The following LRBA variants were observed in gnomAD, a reference collection of about 807,000 sequenced individuals.
LRBA encodes lipopolysaccharide-responsive and beige-like anchor protein.
In LRBA, 176 loss-of-function variants were observed where a neutral mutation model predicts 330.0. The observed-to-expected ratio is 0.53, with a 90% CI of 0.47 to 0.60. The LOEUF (loss-of-function observed/expected upper bound fraction) is 0.60, where lower values mean the gene tolerates loss of function less well. Ranked by LOEUF, LRBA falls within the 20% of genes least tolerant of loss-of-function variation. The pLI is 0.00. For synonymous variants in LRBA, 1,230 were observed against 1,193.0 expected, an observed-to-expected ratio of 1.03 and a Z score of -0.64; for missense variants, 3,259 against 3,444.8, an observed-to-expected ratio of 0.95 and a Z score of 1.35.
chr4:150,851,497 T>C (rs1449054210), intron 23 of LRBA, among the ~76,000 whole-genome samples: 2 of 152,244 alleles, frequency 1.3e-5, no homozygotes, highest in African/African-American at 4.8e-5. Flanking sequence ...AATCACATGC[T>C]TAGTAACTAA....
chr4:151,010,080 T>C (rs760330093), intron 2 of LRBA, among the ~76,000 whole-genome samples: 1 of 152,090 alleles, frequency 6.6e-6, no homozygotes, highest in Non-Finnish European at 1.5e-5. Context: ...TACTATACCA[T>C]TTTATATAAG....
intron 2 of LRBA, among the ~76,000 whole-genome samples, chr4:150,989,503 C>T (rs982780045): frequency 6.6e-6 from 1 of 152,044 alleles, no homozygotes; most frequent in African/African-American, 2.4e-5. Context: ...GTCCCAGCTA[C>T]TCAGGAGGCT....
intron 47 of LRBA, among the ~76,000 whole-genome samples, chr4:150,411,299 C>T (rs1388623572): frequency 1.3e-5 from 2 of 152,110 alleles, no homozygotes; most frequent in Admixed American, 1.3e-4. Flanking sequence ...GGATAAGAGT[C>T]GTTGGGTGAG....
intron 17 of LRBA, among the ~76,000 whole-genome samples, chr4:150,888,938 G>A (rs530689008): frequency 6.6e-6 from 1 of 152,272 alleles, no homozygotes; most frequent in South Asian, 2.1e-4. Flanking sequence ...CAGATAGAGA[G>A]AGAGACAGAG....
At chr4:150,817,325 A>T in intron 30 of LRBA, 68 bp from the exon 31 acceptor site, 2 of 1,433,306 alleles carry the variant, frequency 1.4e-6, no homozygotes, top group Middle Eastern at 1.8e-4. Context: ...CATGAATTTC[A>T]AAACAGAAAC....
At chr4:150,540,870 T>A (rs1178581834) in intron 40 of LRBA, among the ~76,000 whole-genome samples, 1 of 152,218 alleles carries the variant, frequency 6.6e-6, no homozygotes, top group Non-Finnish European at 1.5e-5. Flanking sequence ...CTGTAAATTT[T>A]TAACCATATA....
At chr4:150,827,899 GCCTT>G (rs1282194164) in intron 30 of LRBA, among the ~76,000 whole-genome samples, 2 of 151,960 alleles carry the variant, frequency 1.3e-5, no homozygotes, top group African/African-American at 4.8e-5. Context: ...ACTGCACCTG[GCCTT>G]CCTTATGATT....
rs568358116 is a variant in LRBA at position 150,570,549 on chromosome 4, T to C, written c.6330+17499A>G. Among the ~76,000 whole-genome samples the C allele has an allele frequency of 2.6e-5, 4 of 152,240 alleles. No individual in the cohort carries two copies. The South Asian group carries it at 8.3e-4, about 32-fold the overall frequency. On this transcript the variant is annotated intron_variant, in intron 40 of 56. Transcript: ENST00000651943. Reference sequence around the variant, plus strand: ...AAAGCTGAAGAAATAACACATGTCATCTTCTCTTTGTAAGCAATATATTTA... The same window carrying C: ...AAAGCTGAAGAAATAACACATGTCACCTTCTCTTTGTAAGCAATATATTTA...
At chr4:150,769,363 AAGAG>A (rs1383709897) in intron 34 of LRBA, among the ~76,000 whole-genome samples, 5 of 152,188 alleles carry the variant, frequency 3.3e-5, no homozygotes, top group African/African-American at 1.2e-4. Context: ...CAGAGAGAGA[AAGAG>A]AGAAGAGATT....
intron 2 of LRBA, among the ~76,000 whole-genome samples, chr4:150,933,547 T>A (rs149662902): frequency 6.3e-4 from 96 of 152,250 alleles, no homozygotes; most frequent in Non-Finnish European, 1.2e-3. Flanking sequence ...CATTTACACA[T>A]AGACCTATGC....
chr4:150,278,823 G>GA (rs1560953445), intron 55 of LRBA, among the ~76,000 whole-genome samples: 1 of 148,732 alleles, frequency 6.7e-6, no homozygotes, highest in Non-Finnish European at 1.5e-5. Context: ...CCATAAACAG[G>GA]TTTTTTTTTT....
At chr4:150,412,400 A>C (rs1561138044) in intron 47 of LRBA, among the ~76,000 whole-genome samples, 2 of 152,180 alleles carry the variant, frequency 1.3e-5, no homozygotes, top group Non-Finnish European at 2.9e-5. Flanking sequence ...GGGTAGCCAA[A>C]ATCCAAATCT....
chr4:150,494,940 C>A (rs1759403610), intron 40 of LRBA, among the ~76,000 whole-genome samples: 1 of 150,638 alleles, frequency 6.6e-6, no homozygotes, highest in Admixed American at 6.6e-5. Flanking sequence ...GCGGAGCTTG[C>A]AGTGAGCCTA....
At position 150,302,739 on chromosome 4, in the gene LRBA, G is replaced by T. The variant is rs781028480; in HGVS notation, c.7903C>A (p.Arg2635Ser). 2.5e-6 allele frequency: 4 copies of T among 1,609,654 alleles called. No homozygotes were observed. The highest frequency in any genetic ancestry group is 2.5e-6 in the Non-Finnish European group (3 of 1,177,496). Residue 2635 changes from arginine to serine, a missense_variant, in exon 53 of 57, where the codon CGT (arginine) becomes AGT (serine). Coordinates refer to ENST00000651943, the MANE Select transcript of LRBA (RefSeq NM_001364905.1). ...TTTCCCCCAATATATGACTCAGAAC[G>T]AGCAAGGCAAGTGACGACATCCCAA... ...GHWDVVTCLA[R>S]SESYIGGNCY... is the part of the protein sequence containing the mutation.
chr4:150,359,173 A>G (rs1334122375), intron 47 of LRBA, among the ~76,000 whole-genome samples: 1 of 152,242 alleles, frequency 6.6e-6, no homozygotes, highest in Non-Finnish European at 1.5e-5. Flanking sequence ...CTTGTATATT[A>G]TATAGGACTA....
intron 53 of LRBA, among the ~76,000 whole-genome samples, chr4:150,297,339 C>T (rs894993569): frequency 6.6e-6 from 1 of 152,114 alleles, no homozygotes. Flanking sequence ...GCAGTAAATA[C>T]AGAGTTGTTT....
Position 150,437,505 on chromosome 4 carries a change from C to CTATA in LRBA, c.6781-642_6781-641insTATA, listed in dbSNP as rs1299926510. ...ATGCCGGCATGAACTCTCTCTCTCT[C>CTATA]TCTATATATATATATTATAAAATTA... On this transcript the variant is annotated intron_variant, in intron 44 of 56. Coordinates refer to ENST00000651943, the MANE Select transcript of LRBA (RefSeq NM_001364905.1). Among the ~76,000 whole-genome samples, 420 of 136,012 alleles carry CTATA rather than the reference C, an allele frequency of 3.1e-3. 3 individuals are homozygous for CTATA. The highest frequency in any genetic ancestry group is 9.2e-3 in the African/African-American group (363 of 39,260). The allele number at this position is 136,012 out of a possible 152,430, so 89.2% of individuals were successfully genotyped here. A position where few individuals can be genotyped will look rare whatever the true frequency, so the allele number is the denominator to read the frequency against.
Position 150,313,847 on chromosome 4 carries a change from T to C in LRBA, c.7693+1714A>G, listed in dbSNP as rs547184181. The stretch of plus-strand genomic sequence containing the variant: ...ATATAGAATATATATAATGTATATA[T>C]ATATATATATATATAGCCTGAAGGT... On this transcript the variant is annotated intron_variant, in intron 51 of 56. Coordinates refer to ENST00000651943, the MANE Select transcript of LRBA (RefSeq NM_001364905.1). Among the ~76,000 whole-genome samples, 315 of 148,684 alleles carry C rather than the reference T, an allele frequency of 2.1e-3. 7 individuals carry two copies. In the South Asian group the frequency reaches 0.058, roughly 28 times the overall value.
intron 2 of LRBA, among the ~76,000 whole-genome samples, chr4:151,000,643 A>G (rs1186397021): frequency 6.6e-6 from 1 of 152,174 alleles, no homozygotes; most frequent in African/African-American, 2.4e-5. Context: ...GTCAGGATGG[A>G]GCAGAATGCT....
Sources: gnomAD v4.1 joint callset for allele counts (sites outside exome capture counted in the v4.1 genomes callset) on GRCh38, gnomAD v4.1.1 for gene constraint, MANE v1.5 for transcripts, NCBI Gene and HGNC (gene_info 2026-07-23, HGNC 2026-07-21) for gene names.